The following ODAD4 variants were observed in gnomAD, a reference collection of about 807,000 sequenced individuals.
The protein encoded by ODAD4 is outer dynein arm docking complex subunit 4.
Under a neutral mutation model 51.8 loss-of-function variants are expected in ODAD4, and 49 were observed. The ratio of observed to expected loss-of-function variants is 0.95; its 90% CI spans 0.75 to 1.20. ODAD4 has a LOEUF of 1.20. Among genes scored for constraint, ODAD4 ranks in the 50% most tolerant of loss-of-function variants. The probability of loss-of-function intolerance (pLI) is 0.00; values close to 1 mark genes in which losing one functional copy is unlikely to be tolerated. For synonymous variants in ODAD4, 235 were observed against 221.3 expected, an observed-to-expected ratio of 1.06 and a Z score of -0.55; for missense variants, 590 against 586.5, an observed-to-expected ratio of 1.01 and a Z score of -0.06.
At chr17:41,943,421 G>A (rs1555638973) in intron 7 of ODAD4, among the ~76,000 whole-genome samples, 1 of 152,198 alleles carries the variant, frequency 6.6e-6, no homozygotes, top group African/African-American at 2.4e-5. Flanking sequence ...CTGGGTGCAG[G>A]CGGGCTGAGT....
At position 41,948,216 on chromosome 17, in the gene ODAD4, A is replaced by T. The variant is rs1436424254; in HGVS notation, c.1146-937A>T. 5.3e-5 allele frequency among the ~76,000 whole-genome samples: 8 copies of T among 152,214 alleles called. No homozygotes were observed. In the East Asian group the frequency reaches 1.5e-3, roughly 29 times the overall value. On this transcript the variant is annotated intron_variant, in intron 8 of 11. Transcript: ENST00000377540. Reference sequence around the variant, plus strand: ...TCAGTCTCACCACCCAAAGACAAGTACTAATTCTAATCCTACTCTTTTATT... The same window carrying T: ...TCAGTCTCACCACCCAAAGACAAGTTCTAATTCTAATCCTACTCTTTTATT...
intron 10 of ODAD4, among the ~76,000 whole-genome samples, chr17:41,958,161 G>A (rs2050757563): frequency 1.3e-5 from 2 of 152,052 alleles, no homozygotes; most frequent in South Asian, 4.1e-4. Context: ...TCCTTCACCT[G>A]GCTAACTCCC....
intron 10 of ODAD4, among the ~76,000 whole-genome samples, chr17:41,961,098 A>G (rs1470359918): frequency 6.6e-6 from 1 of 152,226 alleles, no homozygotes; most frequent in African/African-American, 2.4e-5. Flanking sequence ...GTTCATCTAA[A>G]GGTAGAAATG....
At chr17:41,953,878 G>C (rs2144526551) in intron 9 of ODAD4, among the ~76,000 whole-genome samples, 1 of 151,580 alleles carries the variant, frequency 6.6e-6, no homozygotes. Flanking sequence ...TGTTGCCCAG[G>C]CTGGTCTTGA....
At chr17:41,934,242 C>T (rs765846412) in intron 1 of ODAD4, among the ~76,000 whole-genome samples, 3 of 151,728 alleles carry the variant, frequency 2.0e-5, no homozygotes, top group African/African-American at 7.3e-5. Flanking sequence ...GGTTTCACCA[C>T]GTTGGCCAGG....
intron 11 of ODAD4, among the ~76,000 whole-genome samples, chr17:41,963,339 G>A (rs879945824): frequency 2.0e-5 from 3 of 152,056 alleles, no homozygotes; most frequent in Non-Finnish European, 4.4e-5. Flanking sequence ...CCCTTTGCTT[G>A]TAAAATAACT....
At chr17:41,963,247 A>C (rs1291904691) in intron 11 of ODAD4, among the ~76,000 whole-genome samples, 1 of 152,184 alleles carries the variant, frequency 6.6e-6, no homozygotes, top group Non-Finnish European at 1.5e-5. Context: ...AGTGGTTTCC[A>C]GGAGGAGAAT....
intron 10 of ODAD4, among the ~76,000 whole-genome samples, chr17:41,956,405 C>T (rs1292903584): frequency 1.3e-5 from 2 of 149,818 alleles, no homozygotes; most frequent in African/African-American, 2.5e-5. Context: ...AGGCTGGTCT[C>T]GAACTCCTGA....
intron 9 of ODAD4, among the ~76,000 whole-genome samples, chr17:41,952,472 C>T (rs955642198): frequency 3.5e-5 from 5 of 142,192 alleles, no homozygotes; most frequent in East Asian, 4.2e-4. Flanking sequence ...AGGTTGAGAC[C>T]GCAGTGAGCC....
chr17:41,938,651 G>T lies in ODAD4; in HGVS notation c.720G>T (p.Arg240Ser), dbSNP rs1555638206. The T allele has an allele frequency of 6.2e-7, 1 of 1,613,986 alleles. No homozygotes were observed. Among genetic ancestry groups the T allele is most frequent in the Admixed American group, 1.7e-5 (1 of 60,008 alleles). ...NYLDTHSNFW[R>S]QQKPIYARER... ...TGGATACTCACAGCAACTTCTGGAG[G>T]CAGCAGAAGCCGATCTACGCCAGGG... Residue 240 changes from arginine (R) to serine (S), a missense_variant, in exon 6 of 12, where the codon AGG becomes AGT. By Grantham distance (110) the Arg-to-Ser change is moderately radical (BLOSUM62 -1). Coordinates refer to ENST00000377540, the MANE Select transcript of ODAD4 (RefSeq NM_031421.5).
rs782034426 is a variant in ODAD4, at chr17:41,938,548, T to TC, written c.626-5dup. The TC allele has an allele frequency of 6.2e-5, 100 of 1,612,208 alleles. 3 individuals carry two copies. The South Asian group carries it at 1.1e-3, about 17-fold the overall frequency. On this transcript the variant is annotated splice_polypyrimidine_tract_variant and intron_variant, in intron 5 of 11. Transcript: ENST00000377540. Reference sequence around the variant, plus strand: ...CTCCTTGGCGCCTCCTCACACCCCTTCCCCACAGACCTGATCAAAGGCACC... The same window carrying TC: ...CTCCTTGGCGCCTCCTCACACCCCTTCCCCCACAGACCTGATCAAAGGCACC...
At chr17:41,938,930 G>A (rs375308590) in intron 6 of ODAD4, 35 bp from the exon 7 acceptor site, 2 of 1,594,690 alleles carry the variant, frequency 1.3e-6, no homozygotes, top group African/African-American at 2.7e-5. Context: ...AGAGGAGGCT[G>A]CCCTGGCCTC....
chr17:41,954,437 T>C (rs1209892178), intron 9 of ODAD4, among the ~76,000 whole-genome samples: 4 of 152,152 alleles, frequency 2.6e-5, no homozygotes, highest in Non-Finnish European at 5.9e-5. Context: ...GTTCAGATTG[T>C]ACCTGAGTGG....
At chr17:41,958,839 A>G (rs1343745268) in intron 10 of ODAD4, among the ~76,000 whole-genome samples, 3 of 150,196 alleles carry the variant, frequency 2.0e-5, no homozygotes, top group Non-Finnish European at 4.4e-5. Context: ...CCTGGCCAAC[A>G]TTGTCTCTAC....
intron 7 of ODAD4, among the ~76,000 whole-genome samples, chr17:41,942,916 G>T (rs1375815610): frequency 6.6e-6 from 1 of 152,108 alleles, no homozygotes; most frequent in African/African-American, 2.4e-5. Flanking sequence ...AGGCTGGAGT[G>T]TAGTGGTGCA....
intron 8 of ODAD4, among the ~76,000 whole-genome samples, chr17:41,945,458 G>A (rs2050573098): frequency 6.6e-6 from 1 of 151,946 alleles, no homozygotes; most frequent in South Asian, 2.1e-4. Context: ...GCTGCAGTGA[G>A]ACATGATCAC....
At chr17:41,936,707 T>TA in intron 4 of ODAD4, 55 bp from the exon 5 acceptor site, 1 of 1,602,524 alleles carries the variant, frequency 6.2e-7, no homozygotes, top group Non-Finnish European at 8.5e-7. Flanking sequence ...GGGCCATGGC[T>TA]GGGTACACTC....
intron 7 of ODAD4, among the ~76,000 whole-genome samples, chr17:41,942,120 G>A (rs2050515201): frequency 6.6e-6 from 1 of 152,156 alleles, no homozygotes; most frequent in African/African-American, 2.4e-5. Context: ...GTTTTTAGTA[G>A]AGATGGGGTT....
At chr17:41,942,010 G>A (rs1329280261) in intron 7 of ODAD4, among the ~76,000 whole-genome samples, 1 of 151,978 alleles carries the variant, frequency 6.6e-6, no homozygotes, top group African/African-American at 2.4e-5. Context: ...GAGTGATCTC[G>A]GCTCACTGCA....
Sources: allele counts gnomAD v4.1 joint callset (sites outside exome capture counted in the v4.1 genomes callset), GRCh38; gene constraint gnomAD v4.1.1; transcripts MANE v1.5; gene names NCBI Gene and HGNC (gene_info 2026-07-23, HGNC 2026-07-21).